The following IPO13 variants were observed in gnomAD, a reference collection of about 807,000 sequenced individuals.
The protein encoded by IPO13 is importin 13.
A neutral mutation model predicts 115.5 loss-of-function variants in IPO13; 28 were observed. The observed-to-expected ratio is 0.24, with a 90% CI of 0.18 to 0.33. The LOEUF is 0.33. Among genes scored for constraint, IPO13 ranks in the 10% least tolerant of loss-of-function variants. The probability of loss-of-function intolerance (pLI) is 1.00; values close to 1 mark genes in which losing one functional copy is unlikely to be tolerated. For missense variants in IPO13, 785 were observed against 1,204.6 expected, an observed-to-expected ratio of 0.65 and a Z score of 5.16; for synonymous variants, 414 against 478.9, an observed-to-expected ratio of 0.86 and a Z score of 1.77.
intron 2 of IPO13, among the ~76,000 whole-genome samples, chr1:43,954,826 T>C (rs2085233171): frequency 6.6e-6 from 1 of 152,222 alleles, no homozygotes; most frequent in Non-Finnish European, 1.5e-5. Context: ...CTGATGACTC[T>C]CAAATCTATG....
In IPO13 at chr1:43,967,180, C is replaced by A; in HGVS notation, c.2614-135C>A. 2 of 1,116,562 alleles carry A rather than the reference C, an allele frequency of 1.8e-6. No homozygotes were observed. Among genetic ancestry groups the A allele is most frequent in the Admixed American group, 1.9e-5 (1 of 52,548 alleles). The allele number at this position is 1,116,562 out of a possible 1,614,324, so 69.2% of individuals were successfully genotyped here. ...TTGTTAGGATTGCTGTGGGGATCAG[C>A]TGGCTCTCAAAAAGCAGCGCTCACT... On this transcript the variant is annotated intron_variant, in intron 18 of 19. Transcript: ENST00000372343. This position sits in a 1 kb window ranked among gnomAD's most constrained non-coding sequence, Gnocchi z 6.1.
At chr1:43,961,652 C>A (rs1260463007) in intron 14 of IPO13, among the ~76,000 whole-genome samples, 1 of 152,152 alleles carries the variant, frequency 6.6e-6, no homozygotes, top group Non-Finnish European at 1.5e-5. Flanking sequence ...TCATCACCAC[C>A]AACTAGTTGT....
At position 43,952,359 on chromosome 1, in the gene IPO13, G is replaced by A. The variant is rs1438603148; in HGVS notation, c.821+2206G>A. Among the ~76,000 whole-genome samples, 5 of 152,068 alleles carry A rather than the reference G, an allele frequency of 3.3e-5. No individual in the cohort carries two copies. The highest frequency in any genetic ancestry group is 3.9e-4 in the East Asian group (2 of 5,192). Reference sequence around the variant, plus strand: ...TAATTTTTGTATTTTTAGTAGAAACGGGGTTTTGCCATGTTGGTCAGGCTG... The same window carrying A: ...TAATTTTTGTATTTTTAGTAGAAACAGGGTTTTGCCATGTTGGTCAGGCTG... On this transcript the variant is annotated intron_variant, in intron 2 of 19. Coordinates refer to ENST00000372343, the MANE Select transcript of IPO13 (RefSeq NM_014652.4). The surrounding 1 kb of genome is among the most constrained non-coding windows in gnomAD (Gnocchi z 4.7).
In IPO13 at chr1:43,954,131, G is replaced by A. The variant is rs572818493; in HGVS notation, c.822-2189G>A. ...CAGTGGGGAGCTATGGGAGTAGAGC[G>A]CTACCTCCTGCACCCATCTCAGCTG... On this transcript the variant is annotated intron_variant, in intron 2 of 19. Transcript: ENST00000372343. 1.3e-3 allele frequency among the ~76,000 whole-genome samples: 191 copies of A among 152,330 alleles called. 1 individual carries two copies. Among genetic ancestry groups the A allele is most frequent in the African/African-American group, 4.3e-3 (178 of 41,570 alleles).
chr1:43,960,858 C>T lies in IPO13; in HGVS notation c.2110-18C>T. 2 of 1,613,766 alleles carry T rather than the reference C, an allele frequency of 1.2e-6. No individual in the cohort carries two copies. On this transcript the variant is annotated intron_variant, in intron 12 of 19. Transcript: ENST00000372343. Reference sequence around the variant, plus strand: ...AGTCATGACCTGCTGACCAGGGCCCCTTTGCTTTCTTCCCAAGGCGGTGTG... The same window carrying T: ...AGTCATGACCTGCTGACCAGGGCCCTTTTGCTTTCTTCCCAAGGCGGTGTG...
At chr1:43,961,346 T>G in intron 14 of IPO13, 84 bp downstream of exon 14, 3 of 1,047,942 alleles carry the variant, frequency 2.9e-6, no homozygotes, top group Non-Finnish European at 4.5e-6. Context: ...CTGCCCACTC[T>G]GTTCTTCTCT....
intron 2 of IPO13, 131 bp downstream of exon 2, chr1:43,950,284 C>A: frequency 1.9e-6 from 2 of 1,053,914 alleles, no homozygotes; most frequent in Non-Finnish European, 2.7e-6. Context: ...CAGCAAGGAA[C>A]CAAAGAAGAC....
chr1:43,960,991 C>G lies in IPO13; in HGVS notation c.2225C>G (p.Ser742Cys), dbSNP rs1321276614. 1 of 1,614,116 alleles carries G rather than the reference C, an allele frequency of 6.2e-7. No individual in the cohort carries two copies. The highest frequency in any genetic ancestry group is 8.5e-7 in the Non-Finnish European group (1 of 1,180,048). ...GRMYSTIPQASALDLTRQLVH... is the reference protein window; with the variant it reads ...GRMYSTIPQACALDLTRQLVH... ...ATGTACAGCACCATCCCCCAGGCCT[C>G]TGCTCTTGACCTCACTCGACAGGTG... Residue 742 changes from serine (S) to cysteine (C), a missense_variant, in exon 13 of 20, where the codon TCT becomes TGT. Transcript: ENST00000372343.
At chr1:43,962,760 G>C (rs1369308950) in intron 14 of IPO13, among the ~76,000 whole-genome samples, 1 of 152,226 alleles carries the variant, frequency 6.6e-6, no homozygotes, top group African/African-American at 2.4e-5. Context: ...GCTTCTAACT[G>C]TACTGAAACT....
chr1:43,956,229 G>T lies in IPO13; in HGVS notation c.822-91G>T. ...GATTTGATAAGGGAAGGGGAGCTTT[G>T]ATGGAAGACAAGGAGATTATGCCTT... On this transcript the variant is annotated intron_variant, in intron 2 of 19. Coordinates refer to ENST00000372343, the MANE Select transcript of IPO13 (RefSeq NM_014652.4). This position sits in a 1 kb window ranked among gnomAD's most constrained non-coding sequence, Gnocchi z 4.7. 1 of 1,436,614 alleles carries T rather than the reference G, an allele frequency of 7.0e-7. No homozygotes were observed. 89.0% of individuals were successfully genotyped at this position (1,436,614 alleles called of 1,614,324 possible). A position where few individuals can be genotyped will look rare whatever the true frequency, so the allele number is the denominator to read the frequency against.
rs2085331032 is a variant in IPO13 at position 43,967,065 on chromosome 1, C to T, written c.2613+46C>T. On this transcript the variant is annotated intron_variant, in intron 18 of 19. Transcript: ENST00000372343. This position sits in a 1 kb window ranked among gnomAD's most constrained non-coding sequence, Gnocchi z 6.1. ...GTTTGATGGGGGTGAGGGCCCCTCACTGCTGAGGCAGCTGGCCTTCTGGGA... is the reference window on the plus strand; with the variant it reads ...GTTTGATGGGGGTGAGGGCCCCTCATTGCTGAGGCAGCTGGCCTTCTGGGA... The T allele has an allele frequency of 6.4e-7, 1 of 1,551,776 alleles. No homozygotes were observed. The highest frequency in any genetic ancestry group is 8.9e-7 in the Non-Finnish European group (1 of 1,123,446).
At chr1:43,957,684 C>G in intron 7 of IPO13, 135 bp downstream of exon 7, 1 of 1,152,816 alleles carries the variant, frequency 8.7e-7, no homozygotes, top group South Asian at 1.5e-5. Context: ...AACAAACTGA[C>G]TGTCCTGGCA....
In IPO13 at chr1:43,967,177, C is replaced by A; in HGVS notation, c.2614-138C>A. On this transcript the variant is annotated intron_variant, in intron 18 of 19. Transcript: ENST00000372343. This position sits in a 1 kb window ranked among gnomAD's most constrained non-coding sequence, Gnocchi z 6.1. The stretch of plus-strand genomic sequence containing the variant: ...AAGTTGTTAGGATTGCTGTGGGGAT[C>A]AGCTGGCTCTCAAAAAGCAGCGCTC... 2.7e-6 allele frequency: 3 copies of A among 1,101,908 alleles called. No homozygotes were observed. The highest frequency in any genetic ancestry group is 2.7e-6 in the Non-Finnish European group (2 of 738,114). 68.3% of individuals were successfully genotyped at this position (1,101,908 alleles called of 1,614,324 possible). A position where few individuals can be genotyped will look rare whatever the true frequency, so the allele number is the denominator to read the frequency against.
At chr1:43,957,157 G>T in intron 5 of IPO13, 38 bp from the exon 6 acceptor site, 1 of 1,606,130 alleles carries the variant, frequency 6.2e-7, no homozygotes, top group Non-Finnish European at 8.5e-7. Flanking sequence ...CCAGGGTCAG[G>T]ATCCAGGCAG....
At chr1:43,961,720 G>A (rs150082397) in intron 14 of IPO13, among the ~76,000 whole-genome samples, 1 of 152,276 alleles carries the variant, frequency 6.6e-6, no homozygotes, top group African/African-American at 2.4e-5. Flanking sequence ...TCTGTGAAAC[G>A]GAGATAACAT....
Position 43,956,406 on chromosome 1 carries a change from A to G in IPO13, c.908A>G (p.Glu303Gly). The G allele has an allele frequency of 6.2e-7, 1 of 1,614,184 alleles. No individual in the cohort carries two copies. The highest frequency in any genetic ancestry group is 8.5e-7 in the Non-Finnish European group (1 of 1,180,032). ...LRQAVQNGDM[E>G]TSHGICRIAV... ...CAGGCAGTGCAGAATGGGGACATGG[A>G]GACCTCCCATGGCATCTGTCGCATC... Residue 303 changes from glutamate (E) to glycine (G), a missense_variant, in exon 3 of 20, where the codon GAG becomes GGG. Around this residue, in one of 3 missense-constraint regions of IPO13, gnomAD observed 325 missense variants for 449.8 expected, o/e 0.72. Coordinates refer to ENST00000372343, the MANE Select transcript of IPO13 (RefSeq NM_014652.4). This position sits in a 1 kb window ranked among gnomAD's most constrained non-coding sequence, Gnocchi z 4.7.
At position 43,957,498 on chromosome 1, in the gene IPO13, C is replaced by T; in HGVS notation, c.1489C>T (p.Arg497Trp). The change falls in exon 7 of 20, where the codon CGG becomes TGG. Residue 497 changes from arginine to tryptophan, a missense_variant. Physicochemically the swap from Arg to Trp is moderately radical, Grantham distance 101 (BLOSUM62 -3). This residue lies in a region of IPO13 where 175 missense variants were observed against 360.0 expected (regional missense o/e 0.49). Coordinates refer to ENST00000372343, the MANE Select transcript of IPO13 (RefSeq NM_014652.4). Reference protein sequence around the residue: ...VVPGLIGLIPRISISNVQLAD... With the variant: ...VVPGLIGLIPWISISNVQLAD... Reference sequence around the variant, plus strand: ...GCCTGGGCTCATTGGCCTCATCCCACGGATCAGCATCAGCAACGTGCAGCT... The same window carrying T: ...GCCTGGGCTCATTGGCCTCATCCCATGGATCAGCATCAGCAACGTGCAGCT... 1 of 1,614,220 alleles carries T rather than the reference C, an allele frequency of 6.2e-7. No homozygotes were observed. Among genetic ancestry groups the T allele is most frequent in the Non-Finnish European group, 8.5e-7 (1 of 1,180,034 alleles).
chr1:43,965,487 G>A (rs933482593), intron 15 of IPO13, among the ~76,000 whole-genome samples: 2 of 152,072 alleles, frequency 1.3e-5, no homozygotes, highest in Non-Finnish European at 2.9e-5. Flanking sequence ...GGATATGTGT[G>A]TGGGTGTTTT....
At chr1:43,948,867 T>C (rs1293066188) in intron 1 of IPO13, among the ~76,000 whole-genome samples, 1 of 152,212 alleles carries the variant, frequency 6.6e-6, no homozygotes, top group Admixed American at 6.5e-5. Flanking sequence ...GTTCTCACCC[T>C]CTCCTCCAGC....
Sources: gnomAD v4.1 joint callset for allele counts (sites outside exome capture counted in the v4.1 genomes callset) on GRCh38, gnomAD v4.1.1 for gene constraint, gnomAD v4.1.1 regional missense constraint, Gnocchi (gnomAD v3.1) non-coding constraint, MANE v1.5 for transcripts, NCBI Gene and HGNC (gene_info 2026-07-23, HGNC 2026-07-21) for gene names.